The following ZFP91 variants were observed in gnomAD, a reference collection of about 807,000 sequenced individuals.
ZFP91 encodes ZFP91 zinc finger protein, atypical E3 ubiquitin ligase.
In ZFP91, 7 loss-of-function variants were observed where a neutral mutation model predicts 63.5. The ratio of observed to expected loss-of-function variants is 0.11; its 90% CI spans 0.06 to 0.21. The LOEUF (loss-of-function observed/expected upper bound fraction) is 0.21. Ranked by LOEUF, ZFP91 falls within the 10% of genes least tolerant of loss-of-function variation. The pLI, the probability that ZFP91 is intolerant of heterozygous loss-of-function variation, is 1.00. For missense variants in ZFP91, 628 were observed against 736.6 expected (o/e 0.85, Z 1.71); for synonymous variants, 330 against 272.1 (o/e 1.21, Z -2.10).
chr11:58,583,211 A>G (rs1469195973), intron 1 of ZFP91, among the ~76,000 whole-genome samples: 1 of 152,130 alleles, frequency 6.6e-6, no homozygotes, highest in Non-Finnish European at 1.5e-5. Flanking sequence ...TCTTACATGT[A>G]ATAGCCCTTC....
At chr11:58,616,285 T>G (rs563383977) in intron 9 of ZFP91, among the ~76,000 whole-genome samples, 26 of 152,330 alleles carry the variant, frequency 1.7e-4, no homozygotes, top group African/African-American at 6.0e-4. Context: ...TCTTGTTTTT[T>G]GTTTTTGTTT....
intron 2 of ZFP91, among the ~76,000 whole-genome samples, chr11:58,590,415 G>A (rs978151412): frequency 2.6e-5 from 4 of 152,186 alleles, no homozygotes; most frequent in African/African-American, 9.6e-5. Context: ...CTCCTCATTG[G>A]TCATTCAGTT....
At chr11:58,603,461 A>G (rs1855523179) in intron 2 of ZFP91, among the ~76,000 whole-genome samples, 1 of 152,118 alleles carries the variant, frequency 6.6e-6, no homozygotes, top group Non-Finnish European at 1.5e-5. Flanking sequence ...TAGACATGCA[A>G]TTTTTCAGGA....
At chr11:58,615,239 C>T (rs1481883816) in intron 9 of ZFP91, among the ~76,000 whole-genome samples, 2 of 152,112 alleles carry the variant, frequency 1.3e-5, no homozygotes, top group African/African-American at 4.8e-5. Flanking sequence ...GAATCTTAAT[C>T]ACTCCAAAGT....
rs150478754 is a variant in ZFP91, at chr11:58,617,445, G to A, written c.1452G>A (p.Thr484=). ...DILGTNPESL[T]QPSDGQGLPL... ...TGGGCACTAACCCAGAGTCCCTGAC[G>A]CAGCCTTCAGATGGTCAGGGTCTTC... Residue 484 remains threonine, a synonymous_variant, in exon 11 of 11, where the codon ACG becomes ACA. Transcript: ENST00000316059. The surrounding 1 kb of genome is among the most constrained non-coding windows in gnomAD (Gnocchi z 4.2). 8.1e-6 allele frequency: 13 copies of A among 1,613,898 alleles called. No homozygotes were observed. Among genetic ancestry groups the A allele is most frequent in the African/African-American group, 8.0e-5 (6 of 74,928 alleles).
chr11:58,590,618 C>T (rs1046681730), intron 2 of ZFP91, among the ~76,000 whole-genome samples: 3 of 152,172 alleles, frequency 2.0e-5, no homozygotes, highest in Admixed American at 2.0e-4. Context: ...ACCCTATAAG[C>T]AAGATATACT....
intron 3 of ZFP91, 113 bp downstream of exon 3, chr11:58,610,152 A>G: frequency 7.0e-7 from 1 of 1,421,958 alleles, no homozygotes. Context: ...TTGATGGTGT[A>G]GGTGGTATTT....
At position 58,579,505 on chromosome 11, in the gene ZFP91, A is replaced by T. The variant is rs1855052095; in HGVS notation, c.224A>T (p.Glu75Val). The change falls in exon 1 of 11, where the codon GAG (glutamate) becomes GTG (valine). Residue 75 changes from glutamate (E) to valine (V), a missense_variant. Physicochemically the swap from Glu to Val is moderately radical, Grantham distance 121. Around this residue, in one of 3 missense-constraint regions of ZFP91, gnomAD observed 437 missense variants for 380.3 expected, o/e 1.15. Transcript: ENST00000316059. ...AAAVSRRRKA[E>V]YPRRRRSSPS... Reference sequence around the variant, plus strand: ...GCTGTGTCCCGCCGGAGGAAGGCCGAGTATCCCCGCCGGCGGAGGAGCAGC... The same window carrying T: ...GCTGTGTCCCGCCGGAGGAAGGCCGTGTATCCCCGCCGGCGGAGGAGCAGC... 1.3e-6 allele frequency: 2 copies of T among 1,540,808 alleles called. No individual in the cohort carries two copies. Among genetic ancestry groups the T allele is most frequent in the Admixed American group, 2.0e-5 (1 of 50,696 alleles).
chr11:58,592,664 G>A (rs1297076108), intron 2 of ZFP91, among the ~76,000 whole-genome samples: 1 of 152,164 alleles, frequency 6.6e-6, no homozygotes, highest in Non-Finnish European at 1.5e-5. Context: ...GGGGGGTTAG[G>A]AGGTGGAATG....
intron 1 of ZFP91, among the ~76,000 whole-genome samples, chr11:58,582,182 T>G (rs1437456655): frequency 6.6e-6 from 1 of 152,130 alleles, no homozygotes; most frequent in East Asian, 1.9e-4. Flanking sequence ...GACCTTGGGG[T>G]GTAAGGCAAA....
intron 2 of ZFP91, among the ~76,000 whole-genome samples, chr11:58,586,573 C>T (rs1855213418): frequency 6.6e-6 from 1 of 152,108 alleles, no homozygotes; most frequent in African/African-American, 2.4e-5. Flanking sequence ...TCTCAAATGC[C>T]AATCTTCATC....
At chr11:58,585,263 G>T (rs1021541042) in intron 2 of ZFP91, among the ~76,000 whole-genome samples, 3 of 152,104 alleles carry the variant, frequency 2.0e-5, no homozygotes, top group Non-Finnish European at 4.4e-5. Context: ...TAAGAATTCA[G>T]CCTGGTGAAT....
intron 2 of ZFP91, among the ~76,000 whole-genome samples, chr11:58,602,651 T>C (rs1268031489): frequency 2.0e-5 from 3 of 152,210 alleles, no homozygotes; most frequent in Non-Finnish European, 4.4e-5. Flanking sequence ...AAGTCTTAAC[T>C]CAGGTACCTG....
intron 2 of ZFP91, among the ~76,000 whole-genome samples, chr11:58,609,254 T>A (rs1243353913): frequency 6.6e-6 from 1 of 152,226 alleles, no homozygotes; most frequent in African/African-American, 2.4e-5. Flanking sequence ...CTGTACACAA[T>A]GTCTTATAGG....
chr11:58,585,585 T>C lies in ZFP91; in HGVS notation c.370+701T>C, dbSNP rs556264218. 2.0e-5 allele frequency among the ~76,000 whole-genome samples: 3 copies of C among 152,332 alleles called. No individual in the cohort carries two copies. The East Asian group carries it at 5.8e-4, about 29-fold the overall frequency. The stretch of plus-strand genomic sequence containing the variant: ...AATATACTTTTAGGCACATTTCTTT[T>C]ATTACGTGTGACCTTGACCCAGGCT... On this transcript the variant is annotated intron_variant, in intron 2 of 10. Coordinates refer to ENST00000316059, the MANE Select transcript of ZFP91 (RefSeq NM_053023.5).
At chr11:58,605,935 T>C (rs1440251124) in intron 2 of ZFP91, among the ~76,000 whole-genome samples, 1 of 152,220 alleles carries the variant, frequency 6.6e-6, no homozygotes, top group Non-Finnish European at 1.5e-5. Context: ...TTTTTTTCTT[T>C]ATATTCTTCA....
chr11:58,611,792 GA>G (rs1855669443), intron 6 of ZFP91, 54 bp downstream of exon 6: 1 of 1,548,328 alleles, frequency 6.5e-7, no homozygotes, highest in African/African-American at 1.4e-5. Context: ...ACGACTAGTG[GA>G]AAAAAGAGTG....
At position 58,617,860 on chromosome 11, in the gene ZFP91, T is replaced by A; in HGVS notation, c.*154T>A. The A allele has an allele frequency of 1.0e-6, 1 of 974,298 alleles. No individual in the cohort carries two copies. The allele number at this position is 974,298 out of a possible 1,614,324, so 60.4% of individuals were successfully genotyped here. On this transcript the variant is annotated 3_prime_UTR_variant, in exon 11 of 11. Coordinates refer to ENST00000316059, the MANE Select transcript of ZFP91 (RefSeq NM_053023.5). This position sits in a 1 kb window ranked among gnomAD's most constrained non-coding sequence, Gnocchi z 4.2. ...TCACAGCACACACATACATACACCCTCCACCTCCCCATCCCCTGTTCTCCC... is the reference window on the plus strand; with the variant it reads ...TCACAGCACACACATACATACACCCACCACCTCCCCATCCCCTGTTCTCCC...
In ZFP91 at chr11:58,617,758, T is replaced by TA. The variant is rs1855774194; in HGVS notation, c.*57dup. On this transcript the variant is annotated 3_prime_UTR_variant, in exon 11 of 11. Coordinates refer to ENST00000316059, the MANE Select transcript of ZFP91 (RefSeq NM_053023.5). This position sits in a 1 kb window ranked among gnomAD's most constrained non-coding sequence, Gnocchi z 4.2. ...CAGCTCAGACTTTGTATTTAAAAGT[T>TA]AAAAAGGACAAAAAAAAAATCTAAA... 4.2e-6 allele frequency: 6 copies of TA among 1,434,854 alleles called. No homozygotes were observed. Among genetic ancestry groups the TA allele is most frequent in the Non-Finnish European group, 5.5e-6 (6 of 1,097,264 alleles). The allele number at this position is 1,434,854 out of a possible 1,614,324, so 88.9% of individuals were successfully genotyped here.
Sources: allele counts gnomAD v4.1 joint callset (sites outside exome capture counted in the v4.1 genomes callset), GRCh38; gene constraint gnomAD v4.1.1; regional missense constraint gnomAD v4.1.1; non-coding constraint Gnocchi (gnomAD v3.1); transcripts MANE v1.5; gene names NCBI Gene and HGNC (gene_info 2026-07-23, HGNC 2026-07-21).